The following CA1 variants were observed in gnomAD, a reference collection of about 807,000 sequenced individuals.
The protein encoded by CA1 is carbonic anhydrase 1.
Under a neutral mutation model 28.8 loss-of-function variants are expected in CA1, and 27 were observed. That is an observed-to-expected ratio of 0.94 (90% confidence interval 0.69 to 1.29). The LOEUF (loss-of-function observed/expected upper bound fraction) is 1.29, where lower values mean the gene tolerates loss of function less well. Ranked by LOEUF, CA1 falls within the 50% of genes most tolerant of loss-of-function variation. The probability of loss-of-function intolerance (pLI) is 0.00; values close to 1 mark genes in which losing one functional copy is unlikely to be tolerated. For missense variants in CA1, 335 were observed against 310.5 expected, an observed-to-expected ratio of 1.08 and a Z score of -0.59; for synonymous variants, 121 against 108.8, an observed-to-expected ratio of 1.11 and a Z score of -0.70.
At chr8:85,368,534 T>TG (rs1810096847) in intron 1 of CA1, among the ~76,000 whole-genome samples, 1 of 151,336 alleles carries the variant, frequency 6.6e-6, no homozygotes, top group African/African-American at 2.4e-5. Context: ...AATATGGAGG[T>TG]GTTTTTTTTT....
intron 1 of CA1, among the ~76,000 whole-genome samples, chr8:85,369,962 G>C (rs906920124): frequency 3.9e-5 from 6 of 152,128 alleles, no homozygotes; most frequent in African/African-American, 1.4e-4. Context: ...TGGCTACCTA[G>C]GGTTTAATGT....
intron 1 of CA1, among the ~76,000 whole-genome samples, chr8:85,371,164 T>C (rs886567759): frequency 7.2e-5 from 11 of 151,962 alleles, no homozygotes; most frequent in African/African-American, 2.4e-4. Flanking sequence ...ATCCTTGGAG[T>C]TTGGTTAGCT....
chr8:85,330,175 T>C (rs1808343792), intron 6 of CA1, among the ~76,000 whole-genome samples: 1 of 152,146 alleles, frequency 6.6e-6, no homozygotes, highest in South Asian at 2.1e-4. Context: ...ATAAAGCTTT[T>C]ATTTTTTTCT....
At chr8:85,337,919 G>A (rs1808728323) in intron 3 of CA1, 1 of 400,210 alleles carries the variant, frequency 2.5e-6, no homozygotes, top group South Asian at 2.2e-5. Context: ...TTTCTTTTTA[G>A]TTGTTATATT....
At chr8:85,341,228 A>T in intron 2 of CA1, 1 of 168,710 alleles carries the variant, frequency 5.9e-6, no homozygotes, top group Non-Finnish European at 1.3e-5. Context: ...AGGTATGTAG[A>T]TTTTTTAAAC....
intron 1 of CA1, among the ~76,000 whole-genome samples, chr8:85,375,884 A>C (rs1396231685): frequency 1.3e-5 from 2 of 152,214 alleles, no homozygotes; most frequent in Admixed American, 1.3e-4. Flanking sequence ...GGGAATGGTC[A>C]ATAAAATGAC....
At chr8:85,348,500 A>G (rs1809287562) in intron 1 of CA1, among the ~76,000 whole-genome samples, 2 of 152,188 alleles carry the variant, frequency 1.3e-5, no homozygotes, top group Admixed American at 1.3e-4. Flanking sequence ...CAAGAGCACT[A>G]TTTGAATTAA....
chr8:85,353,936 C>T (rs1809505325), intron 1 of CA1, among the ~76,000 whole-genome samples: 1 of 151,946 alleles, frequency 6.6e-6, no homozygotes, highest in African/African-American at 2.4e-5. Context: ...ACTATCCTGA[C>T]AGGGAGGGAA....
At chr8:85,360,954 C>T (rs1457913054) in intron 1 of CA1, among the ~76,000 whole-genome samples, 2 of 152,206 alleles carry the variant, frequency 1.3e-5, no homozygotes, top group African/African-American at 4.8e-5. Context: ...CCACCAGGCC[C>T]TGGGGAGACC....
chr8:85,352,345 C>T (rs1194593105), intron 1 of CA1, among the ~76,000 whole-genome samples: 1 of 152,176 alleles, frequency 6.6e-6, no homozygotes, highest in Admixed American at 6.5e-5. Context: ...ACTTCCTCAG[C>T]AGGAAAAGTG....
At chr8:85,363,100 A>G (rs1239291876) in intron 1 of CA1, among the ~76,000 whole-genome samples, 1 of 152,238 alleles carries the variant, frequency 6.6e-6, no homozygotes, top group Non-Finnish European at 1.5e-5. Flanking sequence ...CCATTCACTT[A>G]TAATTTAAAG....
chr8:85,337,340 T>C (rs1005751545), intron 3 of CA1: 4 of 426,850 alleles, frequency 9.4e-6, no homozygotes, highest in African/African-American at 2.0e-5. Flanking sequence ...AGAAAGCATA[T>C]TGCAATGTGA....
At chr8:85,366,336 G>A (rs1345277513) in intron 1 of CA1, among the ~76,000 whole-genome samples, 1 of 151,980 alleles carries the variant, frequency 6.6e-6, no homozygotes, top group Non-Finnish European at 1.5e-5. Context: ...CTCACCTTGA[G>A]CTTCAAAAGG....
At position 85,328,600 on chromosome 8, in the gene CA1, G is replaced by A; in HGVS notation, c.746C>T (p.Thr249Ile). The change falls in exon 8 of 8, where the codon ACC (threonine) becomes ATC (isoleucine). Residue 249 changes from threonine (T) to isoleucine (I), a missense_variant. Thr to Ile is a moderately conservative substitution (Grantham distance 89). Transcript: ENST00000523022. ...CACTGTTCTGCCCTTCAGAGGTTGGGTTGGGCGGTTGTTGTGCTGCATGGG... is the reference window on the plus strand; with the variant it reads ...CACTGTTCTGCCCTTCAGAGGTTGGATTGGGCGGTTGTTGTGCTGCATGGG... Reference protein sequence around the residue: ...AVPMQHNNRPTQPLKGRTVRA... With the variant: ...AVPMQHNNRPIQPLKGRTVRA... The A allele has an allele frequency of 6.2e-7, 1 of 1,611,864 alleles. No individual in the cohort carries two copies. Among genetic ancestry groups the A allele is most frequent in the Non-Finnish European group, 8.5e-7 (1 of 1,178,420 alleles).
At chr8:85,340,150 G>A (rs1332887446) in intron 2 of CA1, among the ~76,000 whole-genome samples, 1 of 151,878 alleles carries the variant, frequency 6.6e-6, no homozygotes, top group Non-Finnish European at 1.5e-5. Flanking sequence ...CATAGCTAGA[G>A]AGGAGAAGTC....
intron 1 of CA1, among the ~76,000 whole-genome samples, chr8:85,365,522 G>A (rs1036255424): frequency 7.9e-5 from 12 of 152,176 alleles, no homozygotes; most frequent in African/African-American, 2.2e-4. Context: ...GTGCCACAGT[G>A]TTCTGCACCC....
intron 1 of CA1, among the ~76,000 whole-genome samples, chr8:85,354,220 C>G (rs1208132697): frequency 6.6e-6 from 1 of 151,888 alleles, no homozygotes; most frequent in Non-Finnish European, 1.5e-5. Context: ...AGTGATCCAC[C>G]CACCTTGGCC....
chr8:85,354,144 T>TG (rs1479175104), intron 1 of CA1, among the ~76,000 whole-genome samples: 4 of 151,346 alleles, frequency 2.6e-5, no homozygotes, highest in African/African-American at 9.7e-5. Context: ...TTTTTTTTTT[T>TG]TTGTATTTTT....
chr8:85,371,399 C>T (rs1361690724), intron 1 of CA1, among the ~76,000 whole-genome samples: 3 of 141,636 alleles, frequency 2.1e-5, no homozygotes, highest in Non-Finnish European at 4.6e-5. Context: ...TGAAAGTGCA[C>T]ATATTCTCAG....
Sources: gnomAD v4.1 joint callset for allele counts (sites outside exome capture counted in the v4.1 genomes callset) on GRCh38, gnomAD v4.1.1 for gene constraint, MANE v1.5 for transcripts, NCBI Gene and HGNC (gene_info 2026-07-23, HGNC 2026-07-21) for gene names.